Variants in GFI1 observed in about 807,000 individuals in gnomAD.
GFI1 encodes the protein zinc finger protein Gfi-1.
In GFI1, 15 loss-of-function variants were observed where a neutral mutation model predicts 39.2. The ratio of observed to expected loss-of-function variants is 0.38; its 90% CI spans 0.26 to 0.59. The LOEUF is 0.59. Among genes scored for constraint, GFI1 ranks in the 20% least tolerant of loss-of-function variants. GFI1 has a pLI of 0.62. For missense variants in GFI1, 475 were observed against 574.0 expected (o/e 0.83, Z 1.76); for synonymous variants, 239 against 254.3 (o/e 0.94, Z 0.57).
At position 92,484,719 on chromosome 1, in the gene GFI1, A is replaced by G. The variant is rs1658444487; in HGVS notation, c.-99-1133T>C. The G allele has an allele frequency of 1.3e-5, 2 of 152,446 alleles. No individual in the cohort carries two copies. Among genetic ancestry groups the G allele is most frequent in the African/African-American group, 4.8e-5 (2 of 41,466 alleles). 9.4% of individuals were successfully genotyped at this position (152,446 alleles called of 1,614,324 possible). On this transcript the variant is annotated intron_variant, in intron 1 of 6. Transcript: ENST00000294702. This position sits in a 1 kb window ranked among gnomAD's most constrained non-coding sequence, Gnocchi z 4.1. Reference sequence around the variant, plus strand: ...GGAGGGCGTGGCTGCGCCTGCCGCTAGGCTCCAGCCGGCTCCGGGGGCGGT... The same window carrying G: ...GGAGGGCGTGGCTGCGCCTGCCGCTGGGCTCCAGCCGGCTCCGGGGGCGGT...
In GFI1 at chr1:92,474,031, T is replaced by C. The variant is rs934785235; in HGVS notation, c.*1998A>G. ...CACCATGGGGCATGCATACCCTGAA[T>C]GTCTGGCTGGGAGGTGTTAAAGCAC... On this transcript the variant is annotated 3_prime_UTR_variant, in exon 7 of 7. Transcript: ENST00000294702. Among the ~76,000 whole-genome samples, 3 of 152,232 alleles carry C rather than the reference T, an allele frequency of 2.0e-5. No homozygotes were observed. Among genetic ancestry groups the C allele is most frequent in the African/African-American group, 4.8e-5 (2 of 41,466 alleles).
Position 92,482,443 on chromosome 1 carries a change from G to T in GFI1, c.298+421C>A, listed in dbSNP as rs1212747227. 1.3e-5 allele frequency among the ~76,000 whole-genome samples: 2 copies of T among 152,136 alleles called. No individual in the cohort carries two copies. Among genetic ancestry groups the T allele is most frequent in the Non-Finnish European group, 2.9e-5 (2 of 68,028 alleles). On this transcript the variant is annotated intron_variant, in intron 3 of 6. Coordinates refer to ENST00000294702, the MANE Select transcript of GFI1 (RefSeq NM_005263.5). This position sits in a 1 kb window ranked among gnomAD's most constrained non-coding sequence, Gnocchi z 4.4. ...CGTCCTGCCCCCTCCCTGCCGCCCA[G>T]CGCCTAGCTCCTCTGCCTGGCCCGT...
In GFI1 at chr1:92,483,019, T is replaced by G. The variant is rs1377722406; in HGVS notation, c.143A>C (p.Lys48Thr). The change falls in exon 3 of 7, where the codon AAG (lysine) becomes ACG (threonine). Residue 48 changes from lysine to threonine, a missense_variant. By Grantham distance (78) the Lys-to-Thr change is moderately conservative (BLOSUM62 -1). Transcript: ENST00000294702. Reference sequence around the variant, plus strand: ...GGACAAACGGTCCCGGGGCTCCGCCTTCGCCCCGCCTGCATTTGAAGTGCT... The same window carrying G: ...GGACAAACGGTCCCGGGGCTCCGCCGTCGCCCCGCCTGCATTTGAAGTGCT... ...ADSTSNAGGA[K>T]AEPRDRLSPE... is the part of the protein sequence containing the mutation. 6.2e-7 allele frequency: 1 copy of G among 1,602,242 alleles called. No homozygotes were observed. The highest frequency in any genetic ancestry group is 1.1e-5 in the South Asian group (1 of 90,582).
intron 1 of GFI1, among the ~76,000 whole-genome samples, chr1:92,485,185 C>A (rs774010379): frequency 1.3e-5 from 2 of 152,228 alleles, no homozygotes; most frequent in Admixed American, 6.5e-5. Context: ...CGCCAGAATG[C>A]CCCTAGGGGT....
chr1:92,485,882 C>T (rs1571223759), intron 1 of GFI1: 1 of 152,256 alleles, frequency 6.6e-6, no homozygotes, highest in Admixed American at 6.5e-5. Context: ...TCTCTGGGCT[C>T]CCGCACGGCG....
In GFI1 at chr1:92,481,132, A is replaced by G; in HGVS notation, c.299-44T>C. The stretch of plus-strand genomic sequence containing the variant: ...AGCGTCCGGTCAGGCTTCAGACGGC[A>G]GAGCGGAGGCCGCCGGGCTGCGGCT... On this transcript the variant is annotated intron_variant, in intron 3 of 6. Coordinates refer to ENST00000294702, the MANE Select transcript of GFI1 (RefSeq NM_005263.5). This position sits in a 1 kb window ranked among gnomAD's most constrained non-coding sequence, Gnocchi z 4.3. The G allele has an allele frequency of 6.5e-7, 1 of 1,549,070 alleles. No homozygotes were observed. The highest frequency in any genetic ancestry group is 8.8e-7 in the Non-Finnish European group (1 of 1,130,012).
At position 92,481,660 on chromosome 1, in the gene GFI1, A is replaced by C. The variant is rs1384191831; in HGVS notation, c.299-572T>G. Among the ~76,000 whole-genome samples the C allele has an allele frequency of 6.6e-6, 1 of 152,194 alleles. No homozygotes were observed. Among genetic ancestry groups the C allele is most frequent in the Non-Finnish European group, 1.5e-5 (1 of 68,036 alleles). ...CTGTCTGAATAAACCCGAAGGTATT[A>C]AGATTTCACGAAGTTAAGTGCCCAG... On this transcript the variant is annotated intron_variant, in intron 3 of 6. Transcript: ENST00000294702. The surrounding 1 kb of genome is among the most constrained non-coding windows in gnomAD (Gnocchi z 4.3).
chr1:92,477,133 ACT>A (rs1170222264), intron 6 of GFI1, among the ~76,000 whole-genome samples: 4 of 151,848 alleles, frequency 2.6e-5, no homozygotes, highest in African/African-American at 9.7e-5. Flanking sequence ...CTTGCTAAAA[ACT>A]CTTTTCTGTT....
At position 92,480,776 on chromosome 1, in the gene GFI1, C is replaced by T; in HGVS notation, c.611G>A (p.Gly204Glu). 1 of 1,599,688 alleles carries T rather than the reference C, an allele frequency of 6.3e-7. No individual in the cohort carries two copies. Among genetic ancestry groups the T allele is most frequent in the Non-Finnish European group, 8.5e-7 (1 of 1,177,306 alleles). The change falls in exon 4 of 7, where the codon GGG becomes GAG. Residue 204 changes from glycine to glutamate, a missense_variant. Gly to Glu is a moderately conservative substitution (Grantham distance 98). This residue lies in a region of GFI1 where 9 missense variants were observed against 26.9 expected (regional missense o/e 0.33). Transcript: ENST00000294702. This position sits in a 1 kb window ranked among gnomAD's most constrained non-coding sequence, Gnocchi z 5.6. ...GPGLGLYGDF[G>E]SAAAGLYERP... is the part of the protein sequence containing the mutation. ...CTCATACAGCCCGGCTGCCGCAGACCCGAAGTCGCCGTAGAGCCCTAGGCC... is the reference window on the plus strand; with the variant it reads ...CTCATACAGCCCGGCTGCCGCAGACTCGAAGTCGCCGTAGAGCCCTAGGCC...
At chr1:92,478,953 C>T (rs1359470643) in intron 5 of GFI1, among the ~76,000 whole-genome samples, 200 bp from the exon 6 acceptor site, 1 of 152,166 alleles carries the variant, frequency 6.6e-6, no homozygotes, top group African/African-American at 2.4e-5. Context: ...GCACCCTCCA[C>T]CTCCCAGGTT....
chr1:92,478,904 C>T (rs1658094346), intron 5 of GFI1, 151 bp from the exon 6 acceptor site: 4 of 1,066,962 alleles, frequency 3.7e-6, no homozygotes, highest in South Asian at 3.1e-5. Flanking sequence ...TCTCCTCTGT[C>T]GCCCAGGCTT....
Position 92,480,770 on chromosome 1 carries a change from G to A in GFI1, c.617C>T (p.Ala206Val), listed in dbSNP as rs368471074. The change falls in exon 4 of 7, where the codon GCG becomes GTG. Residue 206 changes from alanine (A) to valine (V), a missense_variant. By Grantham distance (64) the Ala-to-Val change is moderately conservative (BLOSUM62 0). Transcript: ENST00000294702. The surrounding 1 kb of genome is among the most constrained non-coding windows in gnomAD (Gnocchi z 5.6). ...GLGLYGDFGSAAAGLYERPTA... is the reference protein window; with the variant it reads ...GLGLYGDFGSVAAGLYERPTA... ...GGGCCTCTCATACAGCCCGGCTGCCGCAGACCCGAAGTCGCCGTAGAGCCC... is the reference window on the plus strand; with the variant it reads ...GGGCCTCTCATACAGCCCGGCTGCCACAGACCCGAAGTCGCCGTAGAGCCC... 13 of 1,600,150 alleles carry A rather than the reference G, an allele frequency of 8.1e-6. No homozygotes were observed. Among genetic ancestry groups the A allele is most frequent in the African/African-American group, 5.3e-5 (4 of 74,784 alleles).
In GFI1 at chr1:92,480,218, G is replaced by A; in HGVS notation, c.924+130C>T. On this transcript the variant is annotated intron_variant, in intron 5 of 6. Transcript: ENST00000294702. This position sits in a 1 kb window ranked among gnomAD's most constrained non-coding sequence, Gnocchi z 5.6. ...TGCACCAGGGCAAGGGGACGCAGCG[G>A]AGGGCTTGGGGGAGGAAACTGGGGG... 9.6e-7 allele frequency: 1 copy of A among 1,045,302 alleles called. No homozygotes were observed. The highest frequency in any genetic ancestry group is 1.4e-6 in the Non-Finnish European group (1 of 707,114). 64.8% of individuals were successfully genotyped at this position (1,045,302 alleles called of 1,614,324 possible).
intron 5 of GFI1, among the ~76,000 whole-genome samples, chr1:92,479,015 G>A (rs1355070407): frequency 1.3e-5 from 2 of 152,062 alleles, no homozygotes; most frequent in African/African-American, 2.4e-5. Context: ...ACAGGCACAC[G>A]CCATCACACC....
rs1571215627 is a variant in GFI1, at chr1:92,480,498, G to A, written c.787-13C>T. 6.5e-7 allele frequency: 1 copy of A among 1,549,300 alleles called. No homozygotes were observed. Among genetic ancestry groups the A allele is most frequent in the East Asian group, 2.4e-5 (1 of 40,868 alleles). ...GCGTGGAGAACACCTAAGGCGGGTGGGGCCAGAGAGAAGGCCGCTGAGAGG... is the reference window on the plus strand; with the variant it reads ...GCGTGGAGAACACCTAAGGCGGGTGAGGCCAGAGAGAAGGCCGCTGAGAGG... On this transcript the variant is annotated splice_polypyrimidine_tract_variant and intron_variant, in intron 4 of 6. Transcript: ENST00000294702. The surrounding 1 kb of genome is among the most constrained non-coding windows in gnomAD (Gnocchi z 5.6).
intron 6 of GFI1, among the ~76,000 whole-genome samples, chr1:92,477,917 A>G (rs1391046330): frequency 6.6e-6 from 1 of 152,194 alleles, no homozygotes; most frequent in African/African-American, 2.4e-5. Flanking sequence ...AAGAGTGAAC[A>G]TTTGAGAGGT....
intron 1 of GFI1, chr1:92,486,168 C>T (rs964167717): frequency 6.6e-6 from 1 of 152,272 alleles, no homozygotes. Context: ...CTGAGCGTTA[C>T]TGAGTCGCTC....
At chr1:92,483,774 T>TGCC (rs1658405823) in intron 1 of GFI1, 188 bp from the exon 2 acceptor site, 1 of 458,932 alleles carries the variant, frequency 2.2e-6, no homozygotes, top group South Asian at 2.0e-5. Flanking sequence ...CCGCCGTCGT[T>TGCC]GCCGCCGCCG....
In GFI1 at chr1:92,480,381, C is replaced by G; in HGVS notation, c.891G>C (p.Val297=). The change falls in exon 5 of 7, where the codon GTG becomes GTC. Residue 297 remains valine, a synonymous_variant. Transcript: ENST00000294702. The surrounding 1 kb of genome is among the most constrained non-coding windows in gnomAD (Gnocchi z 5.6). ...EMCGKTFGHA[V]SLEQHKAVHS... is the part of the protein sequence containing the mutation. ...GCACGGCTTTGTGCTGCTCCAGGCT[C>G]ACCGCGTGCCCGAAGGTCTTGCCGC... The G allele has an allele frequency of 5.2e-6, 8 of 1,550,254 alleles. No individual in the cohort carries two copies. Among genetic ancestry groups the G allele is most frequent in the Non-Finnish European group, 7.0e-6 (8 of 1,146,672 alleles).
Sources: allele counts gnomAD v4.1 joint callset (sites outside exome capture counted in the v4.1 genomes callset), GRCh38; gene constraint gnomAD v4.1.1; regional missense constraint gnomAD v4.1.1; non-coding constraint Gnocchi (gnomAD v3.1); transcripts MANE v1.5; gene names NCBI Gene and HGNC (gene_info 2026-07-23, HGNC 2026-07-21).